Variants in DCDC2 observed in about 807,000 individuals in gnomAD.
DCDC2 encodes the protein doublecortin domain-containing protein 2.
DCDC2 carries 40 observed loss-of-function variants against 50.2 expected under a neutral mutation model. The ratio of observed to expected loss-of-function variants is 0.80; its 90% confidence interval spans 0.62 to 1.04. The LOEUF (loss-of-function observed/expected upper bound fraction) is 1.04. Ranked by LOEUF, DCDC2 falls within the 50% of genes least tolerant of loss-of-function variation. The pLI is 0.00. For missense variants in DCDC2, 570 were observed against 581.9 expected (o/e 0.98, Z 0.21); for synonymous variants, 234 against 210.6 (o/e 1.11, Z -0.96).
chr6:24,278,229 A>C lies in DCDC2; in HGVS notation c.760-18T>G, dbSNP rs781254297. 1.3e-6 allele frequency: 2 copies of C among 1,586,834 alleles called. No individual in the cohort carries two copies. Among genetic ancestry groups the C allele is most frequent in the Non-Finnish European group, 1.7e-6 (2 of 1,169,066 alleles). ...TCATTTCCCTAAATGGCAAAGTATT[A>C]GACCCTTATTATTAGCTAATGAACT... On this transcript the variant is annotated intron_variant, in intron 6 of 9. Transcript: ENST00000378454.
At chr6:24,357,160 T>C (rs1040213592) in intron 1 of DCDC2, 2 of 274,296 alleles carry the variant, frequency 7.3e-6, no homozygotes, top group African/African-American at 4.4e-5. Flanking sequence ...AACGCAAAAG[T>C]ATCAGTTTGG....
intron 2 of DCDC2, among the ~76,000 whole-genome samples, chr6:24,343,939 T>C (rs1195612976): frequency 1.3e-5 from 2 of 152,200 alleles, no homozygotes; most frequent in Non-Finnish European, 2.9e-5. Flanking sequence ...AGTTAACATA[T>C]CTATCACCTC....
the DCDC2 span, among the ~76,000 whole-genome samples, chr6:24,363,878 T>C: frequency 2.0e-5 from 3 of 152,192 alleles, no homozygotes; most frequent in South Asian, 6.2e-4. Flanking sequence ...TCCATTTCAC[T>C]TTCCAGCTTA....
rs1199985759 is a variant in DCDC2 at position 24,173,019 on chromosome 6, TAAAG to T, written c.*1707_*1710del. On this transcript the variant is annotated 3_prime_UTR_variant, in exon 10 of 10. Coordinates refer to ENST00000378454, the MANE Select transcript of DCDC2 (RefSeq NM_016356.5). ...ATAATAATAATAATAATAATAATAATAAAGATCAATTGGTCTATTTGCCTACCAA... is the reference window on the plus strand; with the variant it reads ...ATAATAATAATAATAATAATAATAATATCAATTGGTCTATTTGCCTACCAA... 1 of 150,266 alleles carries T rather than the reference TAAAG, an allele frequency of 6.7e-6. No homozygotes were observed. Among genetic ancestry groups the T allele is most frequent in the Non-Finnish European group, 1.5e-5 (1 of 67,650 alleles). The allele number at this position is 150,266 out of a possible 1,614,324, so 9.3% of individuals were successfully genotyped here.
chr6:24,288,708 G>A, intron 6 of DCDC2, 144 bp downstream of exon 6: 4 of 702,844 alleles, frequency 5.7e-6, no homozygotes, highest in Non-Finnish European at 9.9e-6. Context: ...TAACATTAAA[G>A]TTCTAGTGCT....
intron 4 of DCDC2, among the ~76,000 whole-genome samples, chr6:24,294,808 T>A (rs372236518): frequency 5.7e-4 from 86 of 152,192 alleles, no homozygotes; most frequent in African/African-American, 1.9e-3. Context: ...TAACAAACTC[T>A]TAAAATTGAA....
At chr6:24,247,239 C>T (rs542779661) in intron 7 of DCDC2, among the ~76,000 whole-genome samples, 132 of 152,240 alleles carry the variant, frequency 8.7e-4, no homozygotes, top group Non-Finnish European at 1.7e-3. Flanking sequence ...ATTTAAGCAT[C>T]TGGGGACTGA....
At chr6:24,239,645 G>T (rs536941498) in intron 7 of DCDC2, among the ~76,000 whole-genome samples, 2 of 152,256 alleles carry the variant, frequency 1.3e-5, no homozygotes, top group Non-Finnish European at 2.9e-5. Flanking sequence ...AGCTAAAAGG[G>T]AAAGTTCTCT....
At chr6:24,340,075 T>TTATA (rs1484309770) in intron 2 of DCDC2, among the ~76,000 whole-genome samples, 1 of 152,190 alleles carries the variant, frequency 6.6e-6, no homozygotes, top group Non-Finnish European at 1.5e-5. Context: ...TTGGATTGCA[T>TTATA]TATATACATG....
chr6:24,332,326 C>CT (rs771456251), intron 2 of DCDC2, among the ~76,000 whole-genome samples: 4 of 152,110 alleles, frequency 2.6e-5, no homozygotes, highest in Admixed American at 2.6e-4. Context: ...CAGTCTCCCT[C>CT]TTTTTTCCTG....
intron 2 of DCDC2, among the ~76,000 whole-genome samples, chr6:24,315,834 G>A (rs1004246173): frequency 6.6e-6 from 1 of 152,124 alleles, no homozygotes; most frequent in Non-Finnish European, 1.5e-5. Context: ...GCTGCCACAT[G>A]GAGAAGAGAC....
At chr6:24,189,128 T>C (rs1006672800) in intron 8 of DCDC2, among the ~76,000 whole-genome samples, 11 of 152,192 alleles carry the variant, frequency 7.2e-5, no homozygotes, top group African/African-American at 2.7e-4. Context: ...TTGCCTGAGT[T>C]TGCCTCCATG....
chr6:24,379,494 C>T, the DCDC2 span, among the ~76,000 whole-genome samples: 3 of 152,152 alleles, frequency 2.0e-5, no homozygotes, highest in Non-Finnish European at 2.9e-5. Context: ...CAGTGAGATA[C>T]CATCTCATGC....
chr6:24,246,887 T>C (rs888466892), intron 7 of DCDC2, among the ~76,000 whole-genome samples: 6 of 152,188 alleles, frequency 3.9e-5, no homozygotes, highest in Non-Finnish European at 8.8e-5. Context: ...CTTCCTCTTG[T>C]TTTGCTTCAT....
At chr6:24,363,451 T>C in the DCDC2 span, among the ~76,000 whole-genome samples, 2 of 152,190 alleles carry the variant, frequency 1.3e-5, no homozygotes, top group African/African-American at 4.8e-5. Context: ...CAGTGAGCCA[T>C]GCTCATGCCG....
chr6:24,327,483 T>TATTTATTGATTGATTG (rs1554119342), intron 2 of DCDC2, among the ~76,000 whole-genome samples: 1 of 144,036 alleles, frequency 6.9e-6, no homozygotes, highest in African/African-American at 2.6e-5. Flanking sequence ...TTTATTTATT[T>TATTTATTGATTGATTG]ATTGGCTGAT....
intron 2 of DCDC2, chr6:24,353,082 C>T (rs1228787337): frequency 3.5e-6 from 1 of 289,776 alleles, no homozygotes; most frequent in Non-Finnish European, 6.8e-6. Flanking sequence ...ACTCGTACTT[C>T]GATAGAAGCT....
chr6:24,359,394 T>TTATATATATTTTATATATTATATAG (rs1227298414), upstream of DCDC2, among the ~76,000 whole-genome samples: 14 of 75,044 alleles, frequency 1.9e-4, no homozygotes, highest in African/African-American at 4.1e-4. Flanking sequence ...ATATTATATA[T>TTATATATATTTTATATATTATATAG]TATATATATT....
chr6:24,356,651 A>AAT (rs10687267), intron 1 of DCDC2, among the ~76,000 whole-genome samples: 150,750 of 152,316 alleles, frequency 0.99, 74,615 homozygotes, highest in Middle Eastern at 1. Flanking sequence ...TTATTTTTCT[A>AAT]TGCACATATC....
Sources: gnomAD v4.1 joint callset for allele counts (sites outside exome capture counted in the v4.1 genomes callset) on GRCh38, gnomAD v4.1.1 for gene constraint, MANE v1.5 for transcripts, NCBI Gene and HGNC (gene_info 2026-07-23, HGNC 2026-07-21) for gene names.